Variants in OR7C1 observed in about 807,000 individuals in gnomAD.
The protein encoded by OR7C1 is olfactory receptor 7C1.
For missense variants in OR7C1, 324 were observed against 383.3 expected, an observed-to-expected ratio of 0.85 and a Z score of 1.29; for synonymous variants, 152 against 160.7, an observed-to-expected ratio of 0.95 and a Z score of 0.41.
chr19:14,799,461 G>A, exon 5 of OR7C1: 2 of 1,614,202 alleles, frequency 1.2e-6, no homozygotes, highest in South Asian at 1.1e-5. Context: ...GAAATCCTCA[G>A]TATAGAGAAA....
At chr19:14,815,711 C>T (rs898338233) in intron 1 of OR7C1, among the ~76,000 whole-genome samples, 2 of 152,090 alleles carry the variant, frequency 1.3e-5, no homozygotes, top group African/African-American at 4.8e-5. Context: ...GCTGTGTCCC[C>T]ACCGCAAGTC....
intron 2 of OR7C1, among the ~76,000 whole-genome samples, chr19:14,803,800 C>G (rs2147646166): frequency 6.6e-6 from 1 of 151,996 alleles, no homozygotes; most frequent in South Asian, 2.1e-4. Context: ...ACCTCTGCCT[C>G]CTGGGTTCAA....
At chr19:14,815,782 T>TGC (rs1410758475) in intron 1 of OR7C1, among the ~76,000 whole-genome samples, 1 of 115,164 alleles carries the variant, frequency 8.7e-6, no homozygotes, top group East Asian at 2.2e-4. Context: ...TCTGAGTTTG[T>TGC]GCGTGTGTGT....
intron 1 of OR7C1, among the ~76,000 whole-genome samples, chr19:14,810,628 G>A (rs1023195476): frequency 1.3e-5 from 2 of 149,210 alleles, no homozygotes; most frequent in African/African-American, 2.5e-5. Flanking sequence ...CTCATGATCC[G>A]CCCGCCTCAG....
chr19:14,807,244 A>G (rs1485111735), intron 2 of OR7C1, among the ~76,000 whole-genome samples: 4 of 151,786 alleles, frequency 2.6e-5, no homozygotes, highest in African/African-American at 9.7e-5. Flanking sequence ...TTTTGTTTTA[A>G]TGTTATGGAT....
At chr19:14,803,612 T>C (rs2044652503) in intron 2 of OR7C1, among the ~76,000 whole-genome samples, 1 of 152,072 alleles carries the variant, frequency 6.6e-6, no homozygotes, top group South Asian at 2.1e-4. Context: ...GGCTGCTTTT[T>C]GTTAGAAAAG....
intron 1 of OR7C1, among the ~76,000 whole-genome samples, chr19:14,812,729 T>G (rs2044697281): frequency 6.6e-6 from 1 of 151,508 alleles, no homozygotes; most frequent in Non-Finnish European, 1.5e-5. Context: ...TAATATAGAA[T>G]TAGAGGGAAC....
At chr19:14,808,961 A>T (rs1001632413) in intron 2 of OR7C1, among the ~76,000 whole-genome samples, 1 of 151,992 alleles carries the variant, frequency 6.6e-6, no homozygotes. Flanking sequence ...CTTCTGTTAC[A>T]ATATTTCCTT....
chr19:14,830,122 CA>C, intron 1 of OR7C1, among the ~76,000 whole-genome samples: 1 of 152,304 alleles, frequency 6.6e-6, no homozygotes, highest in East Asian at 1.9e-4. Flanking sequence ...TTTGGCCTCC[CA>C]AAGTGCTGGA....
chr19:14,833,207 G>A (rs1244731855), intron 1 of OR7C1, among the ~76,000 whole-genome samples: 1 of 152,146 alleles, frequency 6.6e-6, no homozygotes, highest in Non-Finnish European at 1.5e-5. Context: ...GGCCAGGTAC[G>A]GTGGCTCATG....
At chr19:14,810,648 G>A (rs1263558459) in intron 1 of OR7C1, among the ~76,000 whole-genome samples, 2 of 151,336 alleles carry the variant, frequency 1.3e-5, no homozygotes, top group Non-Finnish European at 2.9e-5. Flanking sequence ...GCCTCCCAAA[G>A]TGCTGGGATT....
At chr19:14,814,246 T>TG (rs910090915) in intron 1 of OR7C1, among the ~76,000 whole-genome samples, 18 of 152,262 alleles carry the variant, frequency 1.2e-4, no homozygotes, top group African/African-American at 4.3e-4. Context: ...AGACAACCTA[T>TG]GGGTTGGCAG....
At chr19:14,803,661 T>C (rs985352166) in intron 2 of OR7C1, among the ~76,000 whole-genome samples, 2 of 151,848 alleles carry the variant, frequency 1.3e-5, no homozygotes, top group African/African-American at 4.8e-5. Flanking sequence ...AAGGGAAACC[T>C]TACCAAGGAC....
At chr19:14,814,444 AC>A (rs1161182377) in intron 1 of OR7C1, among the ~76,000 whole-genome samples, 3 of 151,786 alleles carry the variant, frequency 2.0e-5, no homozygotes, top group Non-Finnish European at 4.4e-5. Flanking sequence ...TTTTTTTGAG[AC>A]AGAGTTTCAT....
At chr19:14,806,636 T>G (rs2044667608) in intron 2 of OR7C1, among the ~76,000 whole-genome samples, 1 of 151,984 alleles carries the variant, frequency 6.6e-6, no homozygotes. Flanking sequence ...CATGAGGTGT[T>G]TGGTTTTCCA....
chr19:14,800,321 G>T, exon 4 of OR7C1: 1 of 659,594 alleles, frequency 1.5e-6, no homozygotes, highest in Non-Finnish European at 2.5e-6. Context: ...CTACCATCGG[G>T]ATCTGGAAAT....
At chr19:14,810,081 A>G (rs889600723) in intron 1 of OR7C1, 88 bp from the exon 2 acceptor site, 2 of 151,922 alleles carry the variant, frequency 1.3e-5, no homozygotes, top group African/African-American at 4.9e-5. Context: ...TTGTTGCTCA[A>G]TTCTCCAAGC....
At chr19:14,833,667 T>G (rs543572769) in intron 1 of OR7C1, among the ~76,000 whole-genome samples, 1 of 152,146 alleles carries the variant, frequency 6.6e-6, no homozygotes, top group African/African-American at 2.4e-5. Context: ...AAAAGAATCA[T>G]TGAAAAAAAT....
intron 1 of OR7C1, among the ~76,000 whole-genome samples, chr19:14,818,654 A>G (rs1452405100): frequency 3.9e-5 from 6 of 152,172 alleles, no homozygotes; most frequent in Non-Finnish European, 1.5e-5. Flanking sequence ...TTCAAACATA[A>G]GAATGGGAGT....
Sources: gnomAD v4.1 joint callset for allele counts (sites outside exome capture counted in the v4.1 genomes callset) on GRCh38, gnomAD v4.1.1 for gene constraint, MANE v1.5 for transcripts, NCBI Gene and HGNC (gene_info 2026-07-23, HGNC 2026-07-21) for gene names.